Variants in QTGAL observed in about 807,000 individuals in gnomAD.
QTGAL encodes queuosine-tRNA galactosyltransferase.
the QTGAL span, chr17:82,944,352 C>T: frequency 1.1e-4 from 16 of 152,144 alleles, no homozygotes; most frequent in South Asian, 2.1e-4. Context: ...TTTCAGCAGC[C>T]GTTTCTGGAG....
the QTGAL span, among the ~76,000 whole-genome samples, chr17:83,025,203 A>T: frequency 7.6e-6 from 1 of 131,188 alleles, no homozygotes; most frequent in Non-Finnish European, 1.6e-5. Context: ...GTCCACACAC[A>T]CATAGAAACT....
chr17:82,984,287 C>G, the QTGAL span, among the ~76,000 whole-genome samples: 261 of 115,774 alleles, frequency 2.3e-3, 62 homozygotes, highest in African/African-American at 8.6e-3. Flanking sequence ...GCCACGTGAG[C>G]ACACGGGGGA....
the QTGAL span, among the ~76,000 whole-genome samples, chr17:83,008,279 C>T: frequency 5.3e-5 from 8 of 152,314 alleles, no homozygotes; most frequent in East Asian, 1.2e-3. Flanking sequence ...TCAAGGCTTT[C>T]GAGAAGTGTT....
the QTGAL span, chr17:82,965,635 C>G: frequency 6.3e-7 from 1 of 1,588,224 alleles, no homozygotes; most frequent in Non-Finnish European, 8.6e-7. Context: ...ACCTGATTCC[C>G]GCCTTCGGCC....
chr17:82,960,198 AC>A, the QTGAL span, among the ~76,000 whole-genome samples: 1 of 151,966 alleles, frequency 6.6e-6, no homozygotes, highest in Non-Finnish European at 1.5e-5. Flanking sequence ...CCTCCTGCCA[AC>A]CCCCCAGCCC....
chr17:82,972,495 C>T, the QTGAL span, among the ~76,000 whole-genome samples: 14 of 111,244 alleles, frequency 1.3e-4, no homozygotes, highest in East Asian at 3.0e-4. Flanking sequence ...GACCTGGTGC[C>T]GACACACCAC....
At chr17:82,964,009 CACT>C in the QTGAL span, among the ~76,000 whole-genome samples, 9 of 105,714 alleles carry the variant, frequency 8.5e-5, no homozygotes, top group Non-Finnish European at 1.1e-4. Flanking sequence ...TTAATCTCAG[CACT>C]TTGGAAGGCT....
At chr17:82,992,006 G>C in the QTGAL span, among the ~76,000 whole-genome samples, 20 of 152,086 alleles carry the variant, frequency 1.3e-4, no homozygotes, top group Non-Finnish European at 2.2e-4. Context: ...AAAATACATA[G>C]TCAGAGAAGA....
At chr17:82,956,879 T>C in the QTGAL span, 1 of 1,291,148 alleles carries the variant, frequency 7.7e-7, no homozygotes, top group South Asian at 1.3e-5. This position sits in a 1 kb window ranked among gnomAD's most constrained non-coding sequence, Gnocchi z 5.7. Flanking sequence ...AGCCAGGGCT[T>C]GGGCAGCAGA....
the QTGAL span, among the ~76,000 whole-genome samples, chr17:83,026,992 C>G: frequency 9.2e-6 from 1 of 109,270 alleles, no homozygotes; most frequent in African/African-American, 3.5e-5. Flanking sequence ...AACCCACCCT[C>G]GACAGACACA....
the QTGAL span, among the ~76,000 whole-genome samples, chr17:82,973,984 C>T: frequency 6.6e-6 from 1 of 152,202 alleles, no homozygotes; most frequent in South Asian, 2.1e-4. Flanking sequence ...AGCAGCCCAG[C>T]CCCTTGCCCC....
chr17:82,966,286 C>T, the QTGAL span, among the ~76,000 whole-genome samples: 1 of 152,010 alleles, frequency 6.6e-6, no homozygotes, highest in South Asian at 2.1e-4. Flanking sequence ...AACTCCCGGC[C>T]TCAAGCGATC....
chr17:82,958,830 GGTGT>G, the QTGAL span, among the ~76,000 whole-genome samples: 14 of 109,196 alleles, frequency 1.3e-4, no homozygotes, highest in South Asian at 3.9e-4. Context: ...GGGGGTGTAT[GGTGT>G]GTGTGTGTGT....
chr17:82,999,183 A>C, the QTGAL span, among the ~76,000 whole-genome samples: 1 of 152,212 alleles, frequency 6.6e-6, no homozygotes, highest in South Asian at 2.1e-4. Context: ...TGCACACACA[A>C]AGGCTTGTAC....
At chr17:82,948,441 C>T in the QTGAL span, 4 of 152,282 alleles carry the variant, frequency 2.6e-5, no homozygotes, top group South Asian at 4.1e-4. Flanking sequence ...AAGGGCAAAC[C>T]GGGAACCACT....
chr17:83,011,130 C>A, the QTGAL span, among the ~76,000 whole-genome samples: 78 of 152,326 alleles, frequency 5.1e-4, no homozygotes, highest in Non-Finnish European at 1.0e-3. Flanking sequence ...CTCCTGAGCC[C>A]AGGCACAGAG....
At chr17:83,019,933 C>T in the QTGAL span, among the ~76,000 whole-genome samples, 1 of 152,108 alleles carries the variant, frequency 6.6e-6, no homozygotes, top group Non-Finnish European at 1.5e-5. Context: ...AGCGTTTCAC[C>T]ACGTTGGCCA....
chr17:82,943,263 C>CT, the QTGAL span: 1 of 152,302 alleles, frequency 6.6e-6, no homozygotes, highest in Non-Finnish European at 1.5e-5. Flanking sequence ...ACCTTTGTCT[C>CT]TGTGTCTGAG....
the QTGAL span, among the ~76,000 whole-genome samples, chr17:83,044,658 T>A: frequency 8.9e-4 from 136 of 152,274 alleles, no homozygotes; most frequent in African/African-American, 3.2e-3. Context: ...TGAAGAAAGA[T>A]AAAAGCCAGG....
Sources: gnomAD v4.1 joint callset for allele counts (sites outside exome capture counted in the v4.1 genomes callset) on GRCh38, gnomAD v4.1.1 for gene constraint, Gnocchi (gnomAD v3.1) non-coding constraint, MANE v1.5 for transcripts, NCBI Gene and HGNC (gene_info 2026-07-23, HGNC 2026-07-21) for gene names.